ATG16L1: variants seen among roughly 807,000 people sequenced by gnomAD.
ATG16L1 encodes autophagy related 16 like 1.
ATG16L1 carries 37 observed loss-of-function variants against 88.5 expected under a neutral mutation model. The ratio of observed to expected loss-of-function variants is 0.42; its 90% CI spans 0.32 to 0.55. The LOEUF is 0.55. Among genes scored for constraint, ATG16L1 ranks in the 20% least tolerant of loss-of-function variants. The probability of loss-of-function intolerance (pLI) is 0.13; values close to 1 mark genes in which losing one functional copy is unlikely to be tolerated. For missense variants in ATG16L1, 554 were observed against 752.8 expected (o/e 0.74, Z 3.09); for synonymous variants, 301 against 281.0 (o/e 1.07, Z -0.71).
At chr2:233,276,898 G>C (rs1698413530) in intron 9 of ATG16L1, among the ~76,000 whole-genome samples, 1 of 152,174 alleles carries the variant, frequency 6.6e-6, no homozygotes, top group Admixed American at 6.5e-5. Context: ...AATAACGACT[G>C]TCATTTTTAT....
intron 2 of ATG16L1, among the ~76,000 whole-genome samples, chr2:233,261,649 C>T (rs1324609949): frequency 9.9e-5 from 14 of 140,886 alleles, no homozygotes; most frequent in Admixed American, 9.9e-4. Flanking sequence ...GCAGTTCTTT[C>T]CGCTCTCATC....
chr2:233,257,912 G>A (rs1696908768), intron 2 of ATG16L1, among the ~76,000 whole-genome samples: 1 of 151,178 alleles, frequency 6.6e-6, no homozygotes, highest in Admixed American at 6.6e-5. Context: ...GGTTGAGACA[G>A]AATTGCTTGA....
intron 12 of ATG16L1, among the ~76,000 whole-genome samples, chr2:233,284,060 G>A (rs1698909567): frequency 6.8e-6 from 1 of 146,546 alleles, no homozygotes; most frequent in Non-Finnish European, 1.5e-5. Flanking sequence ...TCTTGGACAG[G>A]CTGGTCTTGA....
At chr2:233,263,488 A>C (rs1364759801) in intron 3 of ATG16L1, among the ~76,000 whole-genome samples, 1 of 151,932 alleles carries the variant, frequency 6.6e-6, no homozygotes, top group Admixed American at 6.5e-5. Context: ...ATGAGAGGCA[A>C]GAGTGGAGAG....
chr2:233,251,995 A>G, intron 1 of ATG16L1, 53 bp downstream of exon 1: 9 of 1,419,206 alleles, frequency 6.3e-6, no homozygotes, highest in Non-Finnish European at 8.4e-6. Flanking sequence ...CCGCGGAGGC[A>G]TGCGGGGCGT....
At chr2:233,279,649 C>G (rs920152127) in intron 10 of ATG16L1, among the ~76,000 whole-genome samples, 2 of 152,168 alleles carry the variant, frequency 1.3e-5, no homozygotes, top group Non-Finnish European at 2.9e-5. Flanking sequence ...TTTAGATTAT[C>G]AGAAGAATCA....
chr2:233,282,805 A>G, intron 12 of ATG16L1, 52 bp downstream of exon 12: 1 of 1,545,098 alleles, frequency 6.5e-7, no homozygotes. Flanking sequence ...ATGTGGTGTT[A>G]TCAAGGCACA....
At chr2:233,271,632 A>G (rs533056141) in intron 6 of ATG16L1, among the ~76,000 whole-genome samples, 49 of 152,348 alleles carry the variant, frequency 3.2e-4, no homozygotes, top group African/African-American at 1.1e-3. Context: ...GTCAGAGGAC[A>G]TACATCTTTG....
chr2:233,281,073 T>A, intron 10 of ATG16L1, 32 bp from the exon 11 acceptor site: 1 of 1,455,720 alleles, frequency 6.9e-7, no homozygotes, highest in Non-Finnish European at 9.4e-7. Context: ...TTATTTAACT[T>A]CCCATCATCC....
intron 2 of ATG16L1, among the ~76,000 whole-genome samples, chr2:233,260,013 G>T (rs925245224): frequency 1.3e-5 from 2 of 152,164 alleles, no homozygotes; most frequent in Non-Finnish European, 2.9e-5. Flanking sequence ...AGAGTCTAGT[G>T]GGGGAGACCA....
Position 233,251,686 on chromosome 2 carries a change from T to C in ATG16L1, c.-142T>C, listed in dbSNP as rs1429831270. 5 of 693,744 alleles carry C rather than the reference T, an allele frequency of 7.2e-6. No homozygotes were observed. The highest frequency in any genetic ancestry group is 3.7e-4 in the Middle Eastern group (1 of 2,708). The allele number at this position is 693,744 out of a possible 1,614,324, so 43.0% of individuals were successfully genotyped here. A position where few individuals can be genotyped will look rare whatever the true frequency, so the allele number is the denominator to read the frequency against. On this transcript the variant is annotated 5_prime_UTR_variant, in exon 1 of 18. An upstream start codon of the reference 5' UTR is lost. Transcript: ENST00000392017. ...GCATGAGCCGGAAGACCGTCCCGGA[T>C]GGCCTCGGGGACTGCCAGTGTGTGG...
chr2:233,253,559 G>T (rs571807341), intron 1 of ATG16L1, among the ~76,000 whole-genome samples: 8 of 151,720 alleles, frequency 5.3e-5, no homozygotes, highest in Non-Finnish European at 1.0e-4. Flanking sequence ...TTGGCCAGGC[G>T]GATCTTGAAC....
At chr2:233,257,135 T>C (rs1386699750) in intron 2 of ATG16L1, among the ~76,000 whole-genome samples, 1 of 152,120 alleles carries the variant, frequency 6.6e-6, no homozygotes, top group Non-Finnish European at 1.5e-5. Flanking sequence ...GTTCAAGCCA[T>C]TCTCCTGCCT....
intron 6 of ATG16L1, among the ~76,000 whole-genome samples, chr2:233,271,360 C>T (rs941467766): frequency 2.0e-5 from 3 of 152,240 alleles, no homozygotes; most frequent in African/African-American, 4.8e-5. Context: ...CTCACTGCAA[C>T]CTCCGCCTCC....
At chr2:233,283,409 A>G (rs954771194) in intron 12 of ATG16L1, among the ~76,000 whole-genome samples, 5 of 151,774 alleles carry the variant, frequency 3.3e-5, no homozygotes, top group African/African-American at 1.2e-4. Flanking sequence ...AATACAAGCT[A>G]TTGAAAGATA....
chr2:233,282,412 AAAGT>A (rs536406445), intron 11 of ATG16L1, among the ~76,000 whole-genome samples: 27 of 152,310 alleles, frequency 1.8e-4, no homozygotes, highest in African/African-American at 5.3e-4. Flanking sequence ...TGCCAAGGGA[AAAGT>A]GAGTAGGGAA....
At chr2:233,252,613 C>T (rs923827400) in intron 1 of ATG16L1, among the ~76,000 whole-genome samples, 1 of 152,054 alleles carries the variant, frequency 6.6e-6, no homozygotes, top group African/African-American at 2.4e-5. Flanking sequence ...GTCTCCAACT[C>T]CTGCGCTCAA....
intron 12 of ATG16L1, 70 bp downstream of exon 12, chr2:233,282,823 A>C (rs564550485): frequency 2.8e-6 from 4 of 1,421,044 alleles, no homozygotes; most frequent in African/African-American, 2.8e-5. Flanking sequence ...ACAAACTGGC[A>C]GGTGCTTAAT....
chr2:233,253,448 A>G (rs1456251765), intron 1 of ATG16L1, among the ~76,000 whole-genome samples: 1 of 148,720 alleles, frequency 6.7e-6, no homozygotes, highest in Admixed American at 6.8e-5. Context: ...CAGGTTCAAG[A>G]GATCCTCCTG....
Sources: allele counts gnomAD v4.1 joint callset (sites outside exome capture counted in the v4.1 genomes callset), GRCh38; gene constraint gnomAD v4.1.1; transcripts MANE v1.5; gene names NCBI Gene and HGNC (gene_info 2026-07-23, HGNC 2026-07-21).